The following MYO16 variants were observed in gnomAD, a reference collection of about 807,000 sequenced individuals.
MYO16 encodes myosin XVI.
A neutral mutation model predicts 205.3 loss-of-function variants in MYO16; 94 were observed. That is an observed-to-expected ratio of 0.46 (90% CI 0.39 to 0.54). MYO16 has a LOEUF of 0.54. MYO16 is among the 20% of genes least tolerant of loss of function. MYO16 has a pLI of 0.00. For missense variants in MYO16, 2,315 were observed against 2,387.5 expected, an observed-to-expected ratio of 0.97 and a Z score of 0.63; for synonymous variants, 988 against 954.0, an observed-to-expected ratio of 1.04 and a Z score of -0.66.
intron 20 of MYO16, among the ~76,000 whole-genome samples, chr13:108,979,086 A>G (rs1566443293): frequency 6.6e-6 from 1 of 152,024 alleles, no homozygotes; most frequent in Non-Finnish European, 1.5e-5. Flanking sequence ...ATTGCTCAAG[A>G]ATCTGCCTAT....
At chr13:109,156,083 C>T (rs1291983144) in intron 32 of MYO16, among the ~76,000 whole-genome samples, 1 of 152,128 alleles carries the variant, frequency 6.6e-6, no homozygotes, top group Non-Finnish European at 1.5e-5. Flanking sequence ...TCCTCATGTG[C>T]AGTAATACAG....
At chr13:108,652,086 A>G (rs945194064) in intron 1 of MYO16, among the ~76,000 whole-genome samples, 1 of 152,182 alleles carries the variant, frequency 6.6e-6, no homozygotes, top group Admixed American at 6.5e-5. Flanking sequence ...TGTTATAACA[A>G]TGGATTCTGA....
chr13:108,945,247 A>T (rs1477648357), intron 16 of MYO16, among the ~76,000 whole-genome samples: 2 of 152,124 alleles, frequency 1.3e-5, no homozygotes, highest in Non-Finnish European at 2.9e-5. Context: ...CTTTCCATTA[A>T]TTTTTTAATG....
At chr13:109,165,304 G>A (rs1454151811) in intron 33 of MYO16, among the ~76,000 whole-genome samples, 2 of 151,984 alleles carry the variant, frequency 1.3e-5, no homozygotes, top group Admixed American at 6.5e-5. Context: ...TAAAAGAACT[G>A]GTCCAAAATT....
chr13:109,171,458 C>G (rs911019976), intron 33 of MYO16, among the ~76,000 whole-genome samples: 3 of 152,212 alleles, frequency 2.0e-5, no homozygotes, highest in Non-Finnish European at 4.4e-5. Context: ...ATGCCAGTAT[C>G]TGCATGCTAC....
At chr13:108,791,109 G>A (rs1017755014) in intron 5 of MYO16, among the ~76,000 whole-genome samples, 3 of 152,126 alleles carry the variant, frequency 2.0e-5, no homozygotes, top group Non-Finnish European at 4.4e-5. Context: ...AATCCTAAAA[G>A]TCAGAATAAG....
chr13:108,570,001 AT>A, the MYO16 span, among the ~76,000 whole-genome samples: 2 of 152,194 alleles, frequency 1.3e-5, no homozygotes, highest in Non-Finnish European at 2.9e-5. Context: ...ATGGTGTATA[AT>A]ACTTCTCAAA....
intron 2 of MYO16, among the ~76,000 whole-genome samples, chr13:108,694,190 C>T (rs1330674237): frequency 6.6e-6 from 1 of 152,110 alleles, no homozygotes; most frequent in East Asian, 1.9e-4. Flanking sequence ...TCTCCCCAAC[C>T]TCACTAGCAC....
At chr13:108,990,789 TACAG>T (rs1481058370) in intron 20 of MYO16, among the ~76,000 whole-genome samples, 3 of 152,156 alleles carry the variant, frequency 2.0e-5, no homozygotes, top group South Asian at 2.1e-4. Context: ...CAAAAAATAT[TACAG>T]ACAGGATATT....
At chr13:108,716,449 A>G (rs1354186414) in intron 3 of MYO16, among the ~76,000 whole-genome samples, 2 of 152,228 alleles carry the variant, frequency 1.3e-5, no homozygotes, top group Admixed American at 6.5e-5. Context: ...TGGAGGACGG[A>G]TAAGGAAACC....
chr13:108,594,641 G>A (rs145180780), upstream of MYO16, among the ~76,000 whole-genome samples: 3 of 152,214 alleles, frequency 2.0e-5, no homozygotes, highest in Non-Finnish European at 2.9e-5. Context: ...GCGGCACTTC[G>A]GTGCTGGATA....
chr13:109,001,918 TTC>T (rs71125359), intron 21 of MYO16, among the ~76,000 whole-genome samples: 2,757 of 150,804 alleles, frequency 0.018, 93 homozygotes, highest in African/African-American at 0.063. Flanking sequence ...ACACTATTCC[TTC>T]TCTCTCTCTC....
chr13:108,900,977 G>A (rs1880677180), intron 15 of MYO16, among the ~76,000 whole-genome samples: 1 of 152,182 alleles, frequency 6.6e-6, no homozygotes, highest in African/African-American at 2.4e-5. Flanking sequence ...TTTGGGGATG[G>A]CTGTCTTTTA....
At chr13:108,773,843 T>C (rs1407576467) in intron 4 of MYO16, among the ~76,000 whole-genome samples, 1 of 152,178 alleles carries the variant, frequency 6.6e-6, no homozygotes, top group East Asian at 1.9e-4. Context: ...GTGGCCTTTG[T>C]TTCCTAAAAT....
At chr13:109,033,256 A>C (rs1057399356) in intron 23 of MYO16, among the ~76,000 whole-genome samples, 5 of 152,174 alleles carry the variant, frequency 3.3e-5, no homozygotes, top group Non-Finnish European at 7.4e-5. Context: ...CACCACTGAC[A>C]AGCATGCTGA....
At chr13:108,880,068 A>G (rs1014061279) in intron 12 of MYO16, among the ~76,000 whole-genome samples, 3 of 152,156 alleles carry the variant, frequency 2.0e-5, no homozygotes, top group Non-Finnish European at 2.9e-5. Flanking sequence ...CTGGTGTGAG[A>G]TGGTATCTCA....
chr13:108,991,434 T>G (rs1397730907), intron 20 of MYO16, among the ~76,000 whole-genome samples: 1 of 152,268 alleles, frequency 6.6e-6, no homozygotes, highest in Admixed American at 6.5e-5. Context: ...ATTCTTCTTT[T>G]AAAAGAATTA....
At chr13:108,869,687 T>TCC (rs1878937180) in intron 12 of MYO16, among the ~76,000 whole-genome samples, 1 of 127,564 alleles carries the variant, frequency 7.8e-6, no homozygotes, top group Non-Finnish European at 1.6e-5. Context: ...GCCGAGATCG[T>TCC]GCCACTGCAC....
At chr13:108,782,664 G>A (rs921816254) in intron 4 of MYO16, among the ~76,000 whole-genome samples, 1 of 152,150 alleles carries the variant, frequency 6.6e-6, no homozygotes, top group African/African-American at 2.4e-5. Context: ...AGGCCCAGGA[G>A]GAAAAAGTGG....
Sources: allele counts gnomAD v4.1 joint callset (sites outside exome capture counted in the v4.1 genomes callset), GRCh38; gene constraint gnomAD v4.1.1; transcripts MANE v1.5; gene names NCBI Gene and HGNC (gene_info 2026-07-23, HGNC 2026-07-21).